Variants in CYP2C18 observed in about 807,000 individuals in gnomAD.
The protein encoded by CYP2C18 is cytochrome P450 2C18.
A neutral mutation model predicts 41.3 loss-of-function variants in CYP2C18; 38 were observed. That is an observed-to-expected ratio of 0.92 (90% CI 0.71 to 1.21). The LOEUF (loss-of-function observed/expected upper bound fraction) is 1.21, where lower values mean the gene tolerates loss of function less well. Among genes scored for constraint, CYP2C18 ranks in the 50% most tolerant of loss-of-function variants. The probability of loss-of-function intolerance (pLI) is 0.00; values close to 1 mark genes in which losing one functional copy is unlikely to be tolerated. For synonymous variants in CYP2C18, 236 were observed against 210.0 expected (o/e 1.12, Z -1.07); for missense variants, 635 against 591.4 (o/e 1.07, Z -0.77).
chr10:94,733,231 T>C, intron 7 of CYP2C18, 66 bp from the exon 8 acceptor site: 1 of 1,483,698 alleles, frequency 6.7e-7, no homozygotes, highest in Non-Finnish European at 9.3e-7. Context: ...GACTAGGTGA[T>C]TTCCATCACT....
At chr10:94,689,940 C>T (rs1301607873) in intron 3 of CYP2C18, among the ~76,000 whole-genome samples, 3 of 152,090 alleles carry the variant, frequency 2.0e-5, no homozygotes, top group African/African-American at 4.8e-5. Context: ...TCAGTCTACC[C>T]TCCCTATCTC....
intron 6 of CYP2C18, among the ~76,000 whole-genome samples, chr10:94,723,876 A>G (rs1847688328): frequency 6.6e-6 from 1 of 152,176 alleles, no homozygotes; most frequent in Non-Finnish European, 1.5e-5. Context: ...ACCTTTGTGG[A>G]GTGTGAGGAT....
At chr10:94,728,040 CT>C (rs1389803943) in intron 7 of CYP2C18, among the ~76,000 whole-genome samples, 1 of 151,706 alleles carries the variant, frequency 6.6e-6, no homozygotes, top group African/African-American at 2.4e-5. Context: ...TCTCTTATAG[CT>C]TTTTTTTGAT....
chr10:94,716,832 C>T (rs1564645932), intron 5 of CYP2C18, among the ~76,000 whole-genome samples: 1 of 152,134 alleles, frequency 6.6e-6, no homozygotes, highest in Non-Finnish European at 1.5e-5. Context: ...CTTCGTAGGT[C>T]TCTAAGGACT....
At chr10:94,693,744 T>C (rs1847059398) in intron 3 of CYP2C18, among the ~76,000 whole-genome samples, 1 of 152,230 alleles carries the variant, frequency 6.6e-6, no homozygotes. Context: ...CAGGGTCCCA[T>C]TATTTAATTC....
chr10:94,725,142 T>C (rs1847717823), intron 7 of CYP2C18, among the ~76,000 whole-genome samples: 1 of 149,976 alleles, frequency 6.7e-6, no homozygotes, highest in African/African-American at 2.4e-5. Flanking sequence ...AAACAGAGTC[T>C]TGCTATGTTG....
At chr10:94,702,979 A>G (rs1847272594) in intron 4 of CYP2C18, among the ~76,000 whole-genome samples, 1 of 151,974 alleles carries the variant, frequency 6.6e-6, no homozygotes, top group African/African-American at 2.4e-5. Flanking sequence ...TTTCCTCCTA[A>G]CAGTCAGGCC....
chr10:94,689,124 GTTAT>G (rs1268757930), intron 3 of CYP2C18, among the ~76,000 whole-genome samples: 1 of 152,072 alleles, frequency 6.6e-6, no homozygotes, highest in Non-Finnish European at 1.5e-5. Flanking sequence ...ATCAGCTGGT[GTTAT>G]TTAATGTTAC....
chr10:94,725,709 T>G (rs1447659148), intron 7 of CYP2C18, among the ~76,000 whole-genome samples: 1 of 152,134 alleles, frequency 6.6e-6, no homozygotes, highest in East Asian at 1.9e-4. Context: ...TCTGCATCAA[T>G]CGATATGGCC....
At chr10:94,702,910 A>C (rs1564641583) in intron 4 of CYP2C18, among the ~76,000 whole-genome samples, 1 of 151,892 alleles carries the variant, frequency 6.6e-6, no homozygotes, top group Non-Finnish European at 1.5e-5. Context: ...CTTCGGATGG[A>C]GTTTTTGCAT....
chr10:94,693,871 T>G (rs140989458), intron 3 of CYP2C18, among the ~76,000 whole-genome samples: 6 of 152,310 alleles, frequency 3.9e-5, no homozygotes, highest in Non-Finnish European at 8.8e-5. Context: ...AAATTGCCCT[T>G]TCCTCTTATT....
chr10:94,690,110 T>C (rs553096493), intron 3 of CYP2C18, among the ~76,000 whole-genome samples: 12 of 152,254 alleles, frequency 7.9e-5, no homozygotes, highest in African/African-American at 2.9e-4. Flanking sequence ...TGAACTATCT[T>C]TTCAAGGGAA....
At chr10:94,708,767 A>C (rs76267984) in intron 5 of CYP2C18, among the ~76,000 whole-genome samples, 3,848 of 152,292 alleles carry the variant, frequency 0.025, 147 homozygotes, top group African/African-American at 0.075. Context: ...GTCAACACTA[A>C]TATACTGTCT....
At chr10:94,715,681 A>G (rs1477126351) in intron 5 of CYP2C18, among the ~76,000 whole-genome samples, 1 of 152,156 alleles carries the variant, frequency 6.6e-6, no homozygotes, top group Non-Finnish European at 1.5e-5. Flanking sequence ...TGGTATTACG[A>G]TGATGCTGGC....
intron 7 of CYP2C18, among the ~76,000 whole-genome samples, chr10:94,726,238 G>A (rs1039272792): frequency 5.3e-5 from 8 of 151,678 alleles, no homozygotes; most frequent in African/African-American, 1.9e-4. Context: ...TGGGATACAT[G>A]TGCAGAATGT....
In CYP2C18 at chr10:94,712,008, ATT is replaced by A. The variant is rs35672164; in HGVS notation, c.819+5067_819+5068del. 5.6e-3 allele frequency among the ~76,000 whole-genome samples: 545 copies of A among 97,844 alleles called. 7 individuals carry two copies. The highest frequency in any genetic ancestry group is 0.017 in the African/African-American group (403 of 23,348). 64.2% of individuals were successfully genotyped at this position (97,844 alleles called of 152,430 possible). A position where few individuals can be genotyped will look rare whatever the true frequency, so the allele number is the denominator to read the frequency against. ...AGGTGCATGCCACCATGCCCAACTAATTTTTTTTTTTTTTTTTTTTGTAGAGA... is the reference window on the plus strand; with the variant it reads ...AGGTGCATGCCACCATGCCCAACTAATTTTTTTTTTTTTTTTTTGTAGAGA... On this transcript the variant is annotated intron_variant, in intron 5 of 8. Coordinates refer to ENST00000285979, the MANE Select transcript of CYP2C18 (RefSeq NM_000772.3).
chr10:94,699,669 A>G (rs1847195222), intron 4 of CYP2C18, among the ~76,000 whole-genome samples: 1 of 152,206 alleles, frequency 6.6e-6, no homozygotes, highest in Admixed American at 6.5e-5. Context: ...TTCAATTAGT[A>G]AAGGAGGAAG....
At chr10:94,706,660 A>C in intron 4 of CYP2C18, 124 bp from the exon 5 acceptor site, 1 of 580,510 alleles carries the variant, frequency 1.7e-6, no homozygotes, top group Admixed American at 3.1e-5. Flanking sequence ...CGTATAATCA[A>C]ATGCTCCTCT....
chr10:94,718,364 T>C (rs1199999537), intron 5 of CYP2C18, among the ~76,000 whole-genome samples: 1 of 152,170 alleles, frequency 6.6e-6, no homozygotes, highest in African/African-American at 2.4e-5. Context: ...TAAGGTTTTC[T>C]GTATGTAAGA....
Sources: allele counts gnomAD v4.1 joint callset (sites outside exome capture counted in the v4.1 genomes callset), GRCh38; gene constraint gnomAD v4.1.1; transcripts MANE v1.5; gene names NCBI Gene and HGNC (gene_info 2026-07-23, HGNC 2026-07-21).